PTPRN2: variants seen among roughly 807,000 people sequenced by gnomAD.
PTPRN2 encodes protein tyrosine phosphatase receptor type N2, also known as receptor-type tyrosine-protein phosphatase N2.
PTPRN2 carries 74 observed loss-of-function variants against 118.8 expected under a neutral mutation model. The observed-to-expected ratio is 0.62, with a 90% CI of 0.52 to 0.76. PTPRN2 has a LOEUF of 0.76. PTPRN2 is among the 30% of genes least tolerant of loss of function. PTPRN2 has a pLI of 0.00. For synonymous variants in PTPRN2, 641 were observed against 608.0 expected, an observed-to-expected ratio of 1.05 and a Z score of -0.80; for missense variants, 1,481 against 1,394.4, an observed-to-expected ratio of 1.06 and a Z score of -0.99.
At chr7:157,680,682 C>G (rs1293191249) in intron 13 of PTPRN2, among the ~76,000 whole-genome samples, 1 of 152,194 alleles carries the variant, frequency 6.6e-6, no homozygotes, top group Non-Finnish European at 1.5e-5. Context: ...GGGCAAACCC[C>G]CACTTTAATC....
intron 5 of PTPRN2, among the ~76,000 whole-genome samples, chr7:158,169,242 G>C (rs2150600982): frequency 6.6e-6 from 1 of 152,176 alleles, no homozygotes; most frequent in South Asian, 2.1e-4. Context: ...GGGGTTGTTT[G>C]GTTTTTCTGG....
intron 11 of PTPRN2, among the ~76,000 whole-genome samples, chr7:158,021,451 T>C (rs1030394889): frequency 3.9e-5 from 6 of 151,984 alleles, no homozygotes; most frequent in African/African-American, 1.5e-4. Context: ...AATAGATACA[T>C]AAATGTGTGT....
chr7:158,333,375 C>T (rs1461844230), intron 2 of PTPRN2, among the ~76,000 whole-genome samples: 7 of 140,330 alleles, frequency 5.0e-5, no homozygotes, highest in African/African-American at 1.9e-4. Flanking sequence ...CACCCACACT[C>T]GCACCATAAG....
rs13246279 is a variant in PTPRN2, at chr7:157,982,197, C to A, written c.1724-83460G>T. Among the ~76,000 whole-genome samples, 71 of 119,260 alleles carry A rather than the reference C, an allele frequency of 6.0e-4. 1 individual carries two copies. Among genetic ancestry groups the A allele is most frequent in the South Asian group, 1.8e-3 (7 of 3,846 alleles). The allele number at this position is 119,260 out of a possible 152,430, so 78.2% of individuals were successfully genotyped here. A position where few individuals can be genotyped will look rare whatever the true frequency, so the allele number is the denominator to read the frequency against. ...GGGAATGCAGAGTGCAGGGTCCCCC[C>A]TAAACCCCGAGTCACAGAGATGAGG... On this transcript the variant is annotated intron_variant, in intron 11 of 22. Coordinates refer to ENST00000389418, the MANE Select transcript of PTPRN2 (RefSeq NM_002847.5).
intron 11 of PTPRN2, among the ~76,000 whole-genome samples, chr7:158,074,440 G>A (rs996816635): frequency 1.1e-4 from 16 of 152,272 alleles, no homozygotes; most frequent in South Asian, 4.1e-4. Flanking sequence ...AGAATCCCAC[G>A]CACTTCAAAA....
At chr7:158,019,051 C>T (rs952873984) in intron 11 of PTPRN2, among the ~76,000 whole-genome samples, 1 of 146,704 alleles carries the variant, frequency 6.8e-6, no homozygotes, top group African/African-American at 2.5e-5. Context: ...GAAGTAGAAA[C>T]TCACTCTAAC....
At chr7:158,272,328 C>T (rs866097689) in intron 3 of PTPRN2, among the ~76,000 whole-genome samples, 9 of 152,160 alleles carry the variant, frequency 5.9e-5, no homozygotes, top group East Asian at 5.8e-4. Flanking sequence ...TGCAACTGCC[C>T]GGTACCAACG....
chr7:157,592,740 C>G (rs74603263), intron 17 of PTPRN2, among the ~76,000 whole-genome samples: 1 of 135,826 alleles, frequency 7.4e-6, no homozygotes, highest in Non-Finnish European at 1.6e-5. Context: ...TCACACATGA[C>G]GGAGGGTGGA....
intron 3 of PTPRN2, among the ~76,000 whole-genome samples, chr7:158,214,883 T>G (rs1248802259): frequency 6.6e-6 from 1 of 151,936 alleles, no homozygotes; most frequent in African/African-American, 2.4e-5. Context: ...AGAAGAGGAG[T>G]GTCCAAAAAG....
chr7:158,270,769 CGT>C (rs1384125940), intron 3 of PTPRN2, among the ~76,000 whole-genome samples: 36 of 136,242 alleles, frequency 2.6e-4, no homozygotes, highest in East Asian at 8.4e-4. Context: ...TGGACCACCC[CGT>C]CCACCTGGAC....
In PTPRN2 at chr7:157,604,214, G is replaced by A. The variant is rs116371791; in HGVS notation, c.2345-139C>T. On this transcript the variant is annotated intron_variant, in intron 15 of 22. Coordinates refer to ENST00000389418, the MANE Select transcript of PTPRN2 (RefSeq NM_002847.5). ...CAGGGTCCATCACACAGCAGTGTGG[G>A]ACTCCCAAACAGCCTCCAGGGCCTA... 1,329 of 762,916 alleles carry A rather than the reference G, an allele frequency of 1.7e-3. 9 individuals carry two copies. The African/African-American group carries it at 0.021, about 12-fold the overall frequency. The allele number at this position is 762,916 out of a possible 1,614,324, so 47.3% of individuals were successfully genotyped here.
At chr7:157,734,868 G>A (rs1800209604) in intron 12 of PTPRN2, among the ~76,000 whole-genome samples, 1 of 152,228 alleles carries the variant, frequency 6.6e-6, no homozygotes, top group South Asian at 2.1e-4. Context: ...CCTGGCGCTC[G>A]GCCATGTGCC....
chr7:158,444,950 G>A (rs1282032862), intron 2 of PTPRN2, among the ~76,000 whole-genome samples: 1 of 152,214 alleles, frequency 6.6e-6, no homozygotes, highest in African/African-American at 2.4e-5. Context: ...CGCACCCGGC[G>A]GGGCACCATG....
chr7:157,568,017 G>A lies in PTPRN2; in HGVS notation c.2902+885C>T, dbSNP rs77569820. ...GCCTTCTCTCTGGCCCCTATTTAAA[G>A]AGATGACCTTAGAGGTTGGGTATTC... On this transcript the variant is annotated intron_variant, in intron 21 of 22. Coordinates refer to ENST00000389418, the MANE Select transcript of PTPRN2 (RefSeq NM_002847.5). 8.5e-3 allele frequency among the ~76,000 whole-genome samples: 1,301 copies of A among 152,272 alleles called. 11 individuals are homozygous for A. The highest frequency in any genetic ancestry group is 0.013 in the Non-Finnish European group (862 of 68,014).
intron 5 of PTPRN2, among the ~76,000 whole-genome samples, chr7:158,190,543 T>C (rs1399591062): frequency 6.6e-6 from 1 of 152,194 alleles, no homozygotes; most frequent in East Asian, 1.9e-4. Flanking sequence ...GGGCTGGGAC[T>C]GGCCTTTCAT....
intron 17 of PTPRN2, among the ~76,000 whole-genome samples, chr7:157,592,341 C>T (rs572936409): frequency 3.9e-5 from 6 of 152,390 alleles, no homozygotes; most frequent in South Asian, 4.1e-4. Flanking sequence ...CTGAGTCTCA[C>T]GGACCACAGA....
chr7:157,614,455 T>G (rs1351184680), intron 15 of PTPRN2, among the ~76,000 whole-genome samples: 1 of 152,226 alleles, frequency 6.6e-6, no homozygotes, highest in Non-Finnish European at 1.5e-5. Flanking sequence ...CAGGGACAGC[T>G]GTTTCAAAAT....
At chr7:158,107,374 A>G (rs192730486) in intron 10 of PTPRN2, among the ~76,000 whole-genome samples, 2 of 152,242 alleles carry the variant, frequency 1.3e-5, no homozygotes, top group East Asian at 3.9e-4. Context: ...GCCACTCCAT[A>G]CATTTCCAGT....
rs1253575855 is a variant in PTPRN2 at position 158,249,550 on chromosome 7, TACC to T, written c.278-44280_278-44278del. 4.0e-5 allele frequency among the ~76,000 whole-genome samples: 6 copies of T among 148,516 alleles called. No individual in the cohort carries two copies. In the East Asian group the frequency reaches 8.2e-4, roughly 20 times the overall value. On this transcript the variant is annotated intron_variant, in intron 3 of 22. Transcript: ENST00000389418. ...CCATACATGCATACATACACATATC[TACC>T]ACACCTGCACACACACACCCTGCAT...
Sources: gnomAD v4.1 joint callset for allele counts (sites outside exome capture counted in the v4.1 genomes callset) on GRCh38, gnomAD v4.1.1 for gene constraint, MANE v1.5 for transcripts, NCBI Gene and HGNC (gene_info 2026-07-23, HGNC 2026-07-21) for gene names.